CSMD3: variants seen among roughly 807,000 people sequenced by gnomAD.
The protein encoded by CSMD3 is CUB and sushi domain-containing protein 3.
A neutral mutation model predicts 435.2 loss-of-function variants in CSMD3; 177 were observed. The ratio of observed to expected loss-of-function variants is 0.41; its 90% CI spans 0.36 to 0.46. CSMD3 has a LOEUF of 0.46. Ranked by LOEUF, CSMD3 falls within the 20% of genes least tolerant of loss-of-function variation. The probability of loss-of-function intolerance (pLI) is 0.34; values close to 1 mark genes in which losing one functional copy is unlikely to be tolerated. For synonymous variants in CSMD3, 1,656 were observed against 1,520.5 expected (o/e 1.09, Z -2.07); for missense variants, 4,265 against 4,504.6 (o/e 0.95, Z 1.52).
chr8:113,171,762 A>G (rs2092272064), intron 4 of CSMD3, among the ~76,000 whole-genome samples: 2 of 152,124 alleles, frequency 1.3e-5, no homozygotes, highest in Non-Finnish European at 2.9e-5. Flanking sequence ...TCTCCATTGA[A>G]TGCTCATGTT....
chr8:112,487,596 T>A (rs1049277484), intron 31 of CSMD3, among the ~76,000 whole-genome samples: 5 of 152,162 alleles, frequency 3.3e-5, no homozygotes, highest in Admixed American at 3.3e-4. Context: ...TAATCTGAAT[T>A]ATGCTCCAAA....
chr8:112,910,811 T>A (rs576475394), intron 10 of CSMD3, among the ~76,000 whole-genome samples: 146 of 152,070 alleles, frequency 9.6e-4, no homozygotes, highest in Non-Finnish European at 1.8e-3. Context: ...TATTTCTCAA[T>A]TATTAGCCAT....
chr8:112,289,612 G>C (rs2130659357), intron 56 of CSMD3, 74 bp from the exon 57 acceptor site: 1 of 932,408 alleles, frequency 1.1e-6, no homozygotes, highest in Non-Finnish European at 1.6e-6. Context: ...CATGTTTATA[G>C]AACATACCAG....
At position 113,098,723 on chromosome 8, in the gene CSMD3, T is replaced by A. The variant is rs753271203; in HGVS notation, c.917+33A>T. ...TGTTCCTTAGTTTGCTTCAACAACA[T>A]CAATGCAAGGTTAATAGAAGCTATT... On this transcript the variant is annotated intron_variant, in intron 5 of 70. Coordinates refer to ENST00000297405, the MANE Select transcript of CSMD3 (RefSeq NM_198123.2). 3 of 1,408,208 alleles carry A rather than the reference T, an allele frequency of 2.1e-6. No individual in the cohort carries two copies. The Admixed American group carries it at 5.0e-5, about 24-fold the overall frequency. The allele number at this position is 1,408,208 out of a possible 1,614,324, so 87.2% of individuals were successfully genotyped here. A position where few individuals can be genotyped will look rare whatever the true frequency, so the allele number is the denominator to read the frequency against.
chr8:112,384,822 G>A (rs901660793), intron 36 of CSMD3, among the ~76,000 whole-genome samples: 2 of 152,106 alleles, frequency 1.3e-5, no homozygotes, highest in African/African-American at 2.4e-5. Flanking sequence ...TAGTATAACC[G>A]CCACCTCCTT....
chr8:112,558,424 T>C (rs1233959023), intron 24 of CSMD3, among the ~76,000 whole-genome samples: 1 of 151,922 alleles, frequency 6.6e-6, no homozygotes, highest in East Asian at 1.9e-4. Context: ...TGATAGATTA[T>C]ACCTTTTATG....
At chr8:113,236,210 G>A (rs1369992409) in intron 3 of CSMD3, among the ~76,000 whole-genome samples, 3 of 152,102 alleles carry the variant, frequency 2.0e-5, no homozygotes, top group Non-Finnish European at 4.4e-5. Flanking sequence ...CTGCAGGTCC[G>A]CCTTTGCATA....
intron 63 of CSMD3, among the ~76,000 whole-genome samples, chr8:112,247,934 C>T (rs1382085753): frequency 6.6e-6 from 1 of 151,966 alleles, no homozygotes; most frequent in Non-Finnish European, 1.5e-5. Flanking sequence ...CAATATATAT[C>T]ATTTGCTTTA....
intron 13 of CSMD3, among the ~76,000 whole-genome samples, chr8:112,750,033 C>A (rs1285600113): frequency 1.3e-5 from 2 of 151,966 alleles, no homozygotes; most frequent in Admixed American, 1.3e-4. Flanking sequence ...AGGAAACCCC[C>A]TGACAATAAA....
intron 3 of CSMD3, among the ~76,000 whole-genome samples, chr8:113,255,434 C>CT (rs2132323792): frequency 6.6e-6 from 1 of 152,008 alleles, no homozygotes; most frequent in East Asian, 1.9e-4. Context: ...ATCATGACAA[C>CT]TATGAGGAGT....
chr8:113,228,244 A>G (rs1046983686), intron 3 of CSMD3, among the ~76,000 whole-genome samples: 1 of 151,604 alleles, frequency 6.6e-6, no homozygotes, highest in Non-Finnish European at 1.5e-5. Flanking sequence ...TACACACCAT[A>G]TTTCAGGTCC....
chr8:112,452,993 G>T (rs143121790), intron 32 of CSMD3, among the ~76,000 whole-genome samples: 1 of 152,152 alleles, frequency 6.6e-6, no homozygotes, highest in Non-Finnish European at 1.5e-5. Context: ...TGCAAATGGC[G>T]TGTACTGTGC....
intron 3 of CSMD3, among the ~76,000 whole-genome samples, chr8:113,187,579 T>G (rs749178276): frequency 1.1e-4 from 17 of 152,014 alleles, no homozygotes; most frequent in Non-Finnish European, 2.2e-4. Flanking sequence ...CGTGTTTCAT[T>G]TTTATATGAG....
chr8:113,144,969 G>A (rs1401384046), intron 4 of CSMD3, among the ~76,000 whole-genome samples: 1 of 151,528 alleles, frequency 6.6e-6, no homozygotes, highest in Non-Finnish European at 1.5e-5. Flanking sequence ...TTATTTTATA[G>A]AAGGTCTATC....
At chr8:112,379,191 G>A (rs1018981117) in intron 38 of CSMD3, among the ~76,000 whole-genome samples, 2 of 152,122 alleles carry the variant, frequency 1.3e-5, no homozygotes, top group Admixed American at 6.6e-5. Context: ...AATAGTAGGC[G>A]GGACGTGGTG....
At chr8:113,122,302 A>G (rs2091007286) in intron 4 of CSMD3, among the ~76,000 whole-genome samples, 1 of 152,124 alleles carries the variant, frequency 6.6e-6, no homozygotes, top group South Asian at 2.1e-4. Context: ...ACGTGCCCCA[A>G]TTACACTATG....
At chr8:113,071,713 A>T (rs2131406980) in intron 5 of CSMD3, among the ~76,000 whole-genome samples, 1 of 151,858 alleles carries the variant, frequency 6.6e-6, no homozygotes, top group East Asian at 1.9e-4. Context: ...GATATTTGTA[A>T]TATATTTTGC....
chr8:113,045,170 G>C (rs1317065267), intron 5 of CSMD3, among the ~76,000 whole-genome samples: 1 of 148,874 alleles, frequency 6.7e-6, no homozygotes, highest in East Asian at 1.9e-4. Context: ...AAATGAAGGG[G>C]CTAAACAAAA....
At chr8:112,510,078 C>T (rs1822946449) in intron 28 of CSMD3, among the ~76,000 whole-genome samples, 1 of 152,116 alleles carries the variant, frequency 6.6e-6, no homozygotes, top group Non-Finnish European at 1.5e-5. Flanking sequence ...TCCTTATATC[C>T]AATCTATCAA....
Sources: gnomAD v4.1 joint callset for allele counts (sites outside exome capture counted in the v4.1 genomes callset) on GRCh38, gnomAD v4.1.1 for gene constraint, MANE v1.5 for transcripts, NCBI Gene and HGNC (gene_info 2026-07-23, HGNC 2026-07-21) for gene names.